The following ZNF710 variants were observed in gnomAD, a reference collection of about 807,000 sequenced individuals.
The protein encoded by ZNF710 is zinc finger protein 710.
In ZNF710, 13 loss-of-function variants were observed where a neutral mutation model predicts 50.6. The observed-to-expected ratio is 0.26, with a 90% CI of 0.17 to 0.41. The LOEUF (loss-of-function observed/expected upper bound fraction) is 0.41. Ranked by LOEUF, ZNF710 falls within the 10% of genes least tolerant of loss-of-function variation. ZNF710 has a pLI of 1.00. For synonymous variants in ZNF710, 383 were observed against 397.0 expected, an observed-to-expected ratio of 0.96 and a Z score of 0.42; for missense variants, 721 against 936.6, an observed-to-expected ratio of 0.77 and a Z score of 3.01.
At chr15:90,022,647 A>G (rs899611856) in intron 1 of ZNF710, among the ~76,000 whole-genome samples, 2 of 152,212 alleles carry the variant, frequency 1.3e-5, no homozygotes, top group South Asian at 2.1e-4. Flanking sequence ...TTAAATCCCT[A>G]TGGGGAAATC....
chr15:90,047,907 A>G (rs764348425), intron 1 of ZNF710, among the ~76,000 whole-genome samples: 5 of 152,184 alleles, frequency 3.3e-5, no homozygotes, highest in East Asian at 1.9e-4. Context: ...GGCTACGCTT[A>G]TGTATTTGGA....
chr15:90,078,255 T>C (rs956927582), intron 4 of ZNF710, among the ~76,000 whole-genome samples: 2 of 151,458 alleles, frequency 1.3e-5, no homozygotes, highest in Non-Finnish European at 2.9e-5. Flanking sequence ...GTTCAAAGTC[T>C]AGGCCCTCTT....
intron 1 of ZNF710, among the ~76,000 whole-genome samples, chr15:90,065,717 T>A (rs571114519): frequency 2.6e-5 from 4 of 152,296 alleles, no homozygotes; most frequent in African/African-American, 9.6e-5. Flanking sequence ...GGTTTGTACC[T>A]GGGCACGTGG....
upstream of ZNF710, among the ~76,000 whole-genome samples, chr15:89,998,337 A>G (rs892385085): frequency 2.0e-5 from 3 of 152,168 alleles, no homozygotes; most frequent in African/African-American, 7.2e-5. Context: ...GGATTTCATG[A>G]GGCCCATCCT....
intron 1 of ZNF710, among the ~76,000 whole-genome samples, chr15:90,022,918 T>C (rs1157936019): frequency 6.6e-6 from 1 of 152,228 alleles, no homozygotes; most frequent in East Asian, 1.9e-4. Flanking sequence ...TAGAAAGCTC[T>C]TTTGAAATGT....
chr15:90,046,325 G>GC (rs1899459616), intron 1 of ZNF710, among the ~76,000 whole-genome samples: 1 of 152,226 alleles, frequency 6.6e-6, no homozygotes, highest in African/African-American at 2.4e-5. Context: ...AGTGTGAATT[G>GC]CATGTTGTTA....
At chr15:90,015,503 T>A (rs2151468385) in intron 1 of ZNF710, among the ~76,000 whole-genome samples, 1 of 152,284 alleles carries the variant, frequency 6.6e-6, no homozygotes, top group South Asian at 2.1e-4. Flanking sequence ...ATTGCATCAT[T>A]GCTTGTAAAA....
intron 1 of ZNF710, among the ~76,000 whole-genome samples, chr15:90,054,200 G>T (rs1899736288): frequency 6.6e-6 from 1 of 152,106 alleles, no homozygotes; most frequent in Non-Finnish European, 1.5e-5. Context: ...GATGAAAGAG[G>T]GAAGAAAGAG....
intron 1 of ZNF710, among the ~76,000 whole-genome samples, chr15:90,038,707 CTGTGTG>C (rs144152063): frequency 6.3e-5 from 9 of 143,676 alleles, no homozygotes; most frequent in African/African-American, 2.1e-4. Flanking sequence ...CCTCCCTGCT[CTGTGTG>C]TGTGTGTGTG....
intron 1 of ZNF710, among the ~76,000 whole-genome samples, chr15:90,020,001 T>A (rs957636922): frequency 2.6e-5 from 4 of 152,174 alleles, no homozygotes; most frequent in Admixed American, 2.0e-4. Flanking sequence ...GGCCTCAGAC[T>A]CTAGCCCAGG....
intron 1 of ZNF710, among the ~76,000 whole-genome samples, chr15:90,053,618 G>A (rs1458513875): frequency 6.6e-6 from 1 of 152,130 alleles, no homozygotes; most frequent in Non-Finnish European, 1.5e-5. Flanking sequence ...GGGATTATGG[G>A]TGTGAGCCCC....
Position 90,023,636 on chromosome 15 carries a change from A to G in ZNF710, c.-29+22022A>G, listed in dbSNP as rs528201147. On this transcript the variant is annotated intron_variant, in intron 1 of 4. Transcript: ENST00000268154. The stretch of plus-strand genomic sequence containing the variant: ...GAGTTCACGGCTGCAGTGAACCATG[A>G]TCACACCACTGCACACCAGCCTGGG... Among the ~76,000 whole-genome samples the G allele has an allele frequency of 1.6e-4, 24 of 152,258 alleles. No homozygotes were observed. The East Asian group carries it at 4.6e-3, about 29-fold the overall frequency.
chr15:90,012,711 C>T (rs575033486), intron 1 of ZNF710, among the ~76,000 whole-genome samples: 1 of 152,028 alleles, frequency 6.6e-6, no homozygotes, highest in African/African-American at 2.4e-5. Context: ...CTGTTTAGCC[C>T]TTCACTGAGG....
chr15:90,037,153 T>A (rs1402031747), intron 1 of ZNF710, among the ~76,000 whole-genome samples: 2 of 152,142 alleles, frequency 1.3e-5, no homozygotes, highest in African/African-American at 4.8e-5. Flanking sequence ...TGGTGCACAC[T>A]GGAGTTATTC....
chr15:90,033,817 G>T (rs978993247), intron 1 of ZNF710, among the ~76,000 whole-genome samples: 9 of 152,206 alleles, frequency 5.9e-5, no homozygotes, highest in African/African-American at 2.2e-4. Flanking sequence ...ATGGCCTTCT[G>T]AGTCCTGCCT....
At chr15:90,039,193 C>T (rs1049119295) in intron 1 of ZNF710, among the ~76,000 whole-genome samples, 17 of 151,956 alleles carry the variant, frequency 1.1e-4, no homozygotes, top group African/African-American at 3.6e-4. Flanking sequence ...GCAGGAGAAT[C>T]GCTTGAACCC....
intron 2 of ZNF710, among the ~76,000 whole-genome samples, chr15:90,071,677 CTCT>C (rs1179202959): frequency 4.7e-5 from 6 of 127,288 alleles, no homozygotes; most frequent in East Asian, 5.9e-4. Flanking sequence ...TTTATTTTTA[CTCT>C]TTTTTTTTTT....
chr15:90,068,194 T>G lies in ZNF710; in HGVS notation c.1057T>G (p.Cys353Gly). Residue 353 changes from cysteine to glycine, a missense_variant, in exon 2 of 5, where the codon TGC becomes GGC. This residue lies in a region of ZNF710 where 326 missense variants were observed against 522.0 expected (regional missense o/e 0.62). Coordinates refer to ENST00000268154, the MANE Select transcript of ZNF710 (RefSeq NM_198526.4). The surrounding 1 kb of genome is among the most constrained non-coding windows in gnomAD (Gnocchi z 5.0). Reference protein sequence around the residue: ...LTHQGTRPHKCQVCHKAFTQT... With the variant: ...LTHQGTRPHKGQVCHKAFTQT... ...GCACCAGGGCACCCGGCCCCACAAG[T>G]GCCAGGTATGCCACAAGGCCTTCAC... The G allele has an allele frequency of 6.2e-7, 1 of 1,614,006 alleles. No homozygotes were observed.
At chr15:90,049,903 C>G (rs890720711) in intron 1 of ZNF710, among the ~76,000 whole-genome samples, 1 of 152,240 alleles carries the variant, frequency 6.6e-6, no homozygotes, top group East Asian at 1.9e-4. Flanking sequence ...AGCTCAACTG[C>G]AGGGTCCAGT....
Sources: allele counts gnomAD v4.1 joint callset (sites outside exome capture counted in the v4.1 genomes callset), GRCh38; gene constraint gnomAD v4.1.1; regional missense constraint gnomAD v4.1.1; non-coding constraint Gnocchi (gnomAD v3.1); transcripts MANE v1.5; gene names NCBI Gene and HGNC (gene_info 2026-07-23, HGNC 2026-07-21).